KIF13A: variants seen among roughly 807,000 people sequenced by gnomAD.
The protein encoded by KIF13A is kinesin family member 13A.
KIF13A carries 79 observed loss-of-function variants against 212.2 expected under a neutral mutation model. The ratio of observed to expected loss-of-function variants is 0.37; its 90% CI spans 0.31 to 0.45. The LOEUF (loss-of-function observed/expected upper bound fraction) is 0.45, where lower values mean the gene tolerates loss of function less well. Among genes scored for constraint, KIF13A ranks in the 20% least tolerant of loss-of-function variants. KIF13A has a pLI of 1.00. For missense variants in KIF13A, 1,901 were observed against 2,209.0 expected, an observed-to-expected ratio of 0.86 and a Z score of 2.79; for synonymous variants, 789 against 808.6, an observed-to-expected ratio of 0.98 and a Z score of 0.41.
chr6:17,789,148 C>T lies in KIF13A; in HGVS notation c.3261+724G>A, dbSNP rs1414068893. 2.0e-5 allele frequency among the ~76,000 whole-genome samples: 3 copies of T among 152,212 alleles called. No homozygotes were observed. Among genetic ancestry groups the T allele is most frequent in the Non-Finnish European group, 4.4e-5 (3 of 68,040 alleles). On this transcript the variant is annotated intron_variant, in intron 26 of 38. Coordinates refer to ENST00000259711, the MANE Select transcript of KIF13A (RefSeq NM_022113.6). This position sits in a 1 kb window ranked among gnomAD's most constrained non-coding sequence, Gnocchi z 4.8. ...GCTTCATCTTGGTTTGCTGCTTTGA[C>T]TATTTGTACGTAACCCCACACTCCA...
rs976890953 is a variant in KIF13A at position 17,926,433 on chromosome 6, A to G, written c.147-28253T>C. Among the ~76,000 whole-genome samples the G allele has an allele frequency of 6.6e-6, 1 of 152,114 alleles. No homozygotes were observed. The highest frequency in any genetic ancestry group is 2.4e-5 in the African/African-American group (1 of 41,414). ...TTTTTAGTAGAGATGGTGTTTTGCC[A>G]TGTTGGCCAGGCTGGTCTTGAACTC... is the stretch of plus-strand genomic sequence containing the variant. On this transcript the variant is annotated intron_variant, in intron 2 of 38. Coordinates refer to ENST00000259711, the MANE Select transcript of KIF13A (RefSeq NM_022113.6). The surrounding 1 kb of genome is among the most constrained non-coding windows in gnomAD (Gnocchi z 4.3).
Position 17,899,185 on chromosome 6 carries a change from T to C in KIF13A, c.147-1005A>G, listed in dbSNP as rs1302027606. Among the ~76,000 whole-genome samples the C allele has an allele frequency of 1.3e-5, 2 of 152,236 alleles. No individual in the cohort carries two copies. Among genetic ancestry groups the C allele is most frequent in the Non-Finnish European group, 2.9e-5 (2 of 68,038 alleles). On this transcript the variant is annotated intron_variant, in intron 2 of 38. Coordinates refer to ENST00000259711, the MANE Select transcript of KIF13A (RefSeq NM_022113.6). The surrounding 1 kb of genome is among the most constrained non-coding windows in gnomAD (Gnocchi z 5.2). The stretch of plus-strand genomic sequence containing the variant: ...TTTGACTTGCTTTGTAAATATTTTC[T>C]TCATGTATAAAATTAAGGAGCTCAA...
In KIF13A at chr6:17,816,223, C is replaced by G. The variant is rs1302569591; in HGVS notation, c.2000+797G>C. Among the ~76,000 whole-genome samples, 3 of 148,182 alleles carry G rather than the reference C, an allele frequency of 2.0e-5. No individual in the cohort carries two copies. Among genetic ancestry groups the G allele is most frequent in the Non-Finnish European group, 4.5e-5 (3 of 66,972 alleles). ...CTGAGCCACCGCACCTGGCCTGAGT[C>G]AGGTCAGGTTCTTCCTGTCACCCAG... On this transcript the variant is annotated intron_variant, in intron 17 of 38. Transcript: ENST00000259711. This position sits in a 1 kb window ranked among gnomAD's most constrained non-coding sequence, Gnocchi z 4.3.
At chr6:17,921,968 T>C (rs1775114463) in intron 2 of KIF13A, among the ~76,000 whole-genome samples, 1 of 152,238 alleles carries the variant, frequency 6.6e-6, no homozygotes, top group South Asian at 2.1e-4. Context: ...ACTTAAGCTT[T>C]TAAATCAGGT....
rs1393026406 is a variant in KIF13A at position 17,839,418 on chromosome 6, T to C, written c.831-1835A>G. Among the ~76,000 whole-genome samples the C allele has an allele frequency of 6.6e-6, 1 of 152,170 alleles. No homozygotes were observed. Among genetic ancestry groups the C allele is most frequent in the East Asian group, 1.9e-4 (1 of 5,190 alleles). ...ACATGCCCATCAAATGATGAAGTGATGAATAAAATCTGGTATATACACACA... is the reference window on the plus strand; with the variant it reads ...ACATGCCCATCAAATGATGAAGTGACGAATAAAATCTGGTATATACACACA... On this transcript the variant is annotated intron_variant, in intron 9 of 38. Coordinates refer to ENST00000259711, the MANE Select transcript of KIF13A (RefSeq NM_022113.6). This position sits in a 1 kb window ranked among gnomAD's most constrained non-coding sequence, Gnocchi z 4.3.
chr6:17,767,255 A>ATT (rs66600730), intron 38 of KIF13A, among the ~76,000 whole-genome samples: 277 of 144,992 alleles, frequency 1.9e-3, no homozygotes, highest in South Asian at 2.8e-3. Flanking sequence ...CTCAAAATTA[A>ATT]TTTTTTTTTT....
rs555508588 is a variant in KIF13A, at chr6:17,857,241, G to C, written c.221-1119C>G. 3.3e-5 allele frequency among the ~76,000 whole-genome samples: 5 copies of C among 152,270 alleles called. No homozygotes were observed. In the South Asian group the frequency reaches 1.0e-3, roughly 32 times the overall value. ...AAGTGTTTCAACACAAAACGAGATA[G>C]TATTTGTGATATGGTTTAGTTCTGT... is the stretch of plus-strand genomic sequence containing the variant. On this transcript the variant is annotated intron_variant, in intron 4 of 38. Coordinates refer to ENST00000259711, the MANE Select transcript of KIF13A (RefSeq NM_022113.6).
rs1772685771 is a variant in KIF13A at position 17,897,656 on chromosome 6, T to G, written c.159+512A>C. 6.6e-6 allele frequency among the ~76,000 whole-genome samples: 1 copy of G among 152,208 alleles called. No individual in the cohort carries two copies. The highest frequency in any genetic ancestry group is 2.4e-5 in the African/African-American group (1 of 41,450). On this transcript the variant is annotated intron_variant, in intron 3 of 38. Transcript: ENST00000259711. The surrounding 1 kb of genome is among the most constrained non-coding windows in gnomAD (Gnocchi z 4.8). ...GAGGCATATAAAGTTGGTAGAATGT[T>G]GAATCTCTATTTAAAAGTGTGAAGA...
At chr6:17,812,251 A>C (rs1763494144) in intron 17 of KIF13A, 1 of 152,156 alleles carries the variant, frequency 6.6e-6, no homozygotes, top group African/African-American at 2.4e-5. Flanking sequence ...ACTCATGACT[A>C]AGGGGTTTGA....
chr6:17,822,727 CCCTATAT>C (rs1222293368), intron 16 of KIF13A, among the ~76,000 whole-genome samples: 1 of 152,176 alleles, frequency 6.6e-6, no homozygotes, highest in African/African-American at 2.4e-5. Context: ...CTCCTGAACA[CCCTATAT>C]CCACTCAGGC....
chr6:17,781,824 A>G (rs976523044), intron 29 of KIF13A, among the ~76,000 whole-genome samples: 1 of 151,934 alleles, frequency 6.6e-6, no homozygotes, highest in African/African-American at 2.4e-5. Flanking sequence ...GATGGAGTCC[A>G]TCTTTGTTGC....
chr6:17,792,501 A>G (rs576033688), intron 25 of KIF13A, among the ~76,000 whole-genome samples: 1 of 152,222 alleles, frequency 6.6e-6, no homozygotes, highest in South Asian at 2.1e-4. Context: ...AGGTTTCCTG[A>G]CTCCCAGTCT....
rs73371147 is a variant in KIF13A at position 17,830,813 on chromosome 6, C to T, written c.1401+288G>A. Among the ~76,000 whole-genome samples, 1,160 of 152,272 alleles carry T rather than the reference C, an allele frequency of 7.6e-3. 17 individuals are homozygous for T. Among genetic ancestry groups the T allele is most frequent in the African/African-American group, 0.027 (1,122 of 41,544 alleles). On this transcript the variant is annotated intron_variant, in intron 13 of 38. Coordinates refer to ENST00000259711, the MANE Select transcript of KIF13A (RefSeq NM_022113.6). ...TTCCCAGAATCCTCACCATCTCACA[C>T]CTAGAGCCTTCTCATAAAGCTAGGC...
chr6:17,907,663 A>G (rs1773641293), intron 2 of KIF13A, among the ~76,000 whole-genome samples: 1 of 152,194 alleles, frequency 6.6e-6, no homozygotes, highest in Non-Finnish European at 1.5e-5. Flanking sequence ...GGGTATAAAT[A>G]AAGCCACAAA....
Position 17,804,448 on chromosome 6 carries a change from G to A in KIF13A, c.2367C>T (p.Leu789=). Reference sequence around the variant, plus strand: ...CCAAGAATACATTCGCCACCCCGATGAGGTTGTGATTTTCTTGGGCTTCAT... The same window carrying A: ...CCAAGAATACATTCGCCACCCCGATAAGGTTGTGATTTTCTTGGGCTTCAT... ...PFYEAQENHN[L]IGVANVFLEC... is the part of the protein sequence containing the mutation. The change falls in exon 20 of 39, where the codon CTC becomes CTT. Residue 789 remains leucine (L), a synonymous_variant. Coordinates refer to ENST00000259711, the MANE Select transcript of KIF13A (RefSeq NM_022113.6). 6.3e-7 allele frequency: 1 copy of A among 1,585,806 alleles called. No individual in the cohort carries two copies.
intron 2 of KIF13A, among the ~76,000 whole-genome samples, chr6:17,950,226 T>C (rs1777736497): frequency 6.6e-6 from 1 of 152,164 alleles, no homozygotes; most frequent in Non-Finnish European, 1.5e-5. Flanking sequence ...ATTTTTCCTG[T>C]TGATCTCCAT....
intron 16 of KIF13A, among the ~76,000 whole-genome samples, chr6:17,820,987 A>G (rs1437424533): frequency 6.6e-6 from 1 of 152,234 alleles, no homozygotes. Context: ...ACAAACTGGC[A>G]CTACGCATGA....
intron 2 of KIF13A, among the ~76,000 whole-genome samples, chr6:17,908,454 A>G (rs1773722225): frequency 6.6e-6 from 1 of 152,098 alleles, no homozygotes; most frequent in African/African-American, 2.4e-5. Flanking sequence ...GTTTTTAAAA[A>G]TCAGCCAGGT....
At chr6:17,781,832 T>C (rs1436466506) in intron 29 of KIF13A, among the ~76,000 whole-genome samples, 1 of 152,060 alleles carries the variant, frequency 6.6e-6, no homozygotes, top group Non-Finnish European at 1.5e-5. Flanking sequence ...CCATCTTTGT[T>C]GCCCAGGCTG....
Sources: gnomAD v4.1 joint callset for allele counts (sites outside exome capture counted in the v4.1 genomes callset) on GRCh38, gnomAD v4.1.1 for gene constraint, Gnocchi (gnomAD v3.1) non-coding constraint, MANE v1.5 for transcripts, NCBI Gene and HGNC (gene_info 2026-07-23, HGNC 2026-07-21) for gene names.